Variants in PTPRM observed in about 807,000 individuals in gnomAD.
PTPRM encodes the protein protein tyrosine phosphatase receptor type M.
In PTPRM, 47 loss-of-function variants were observed where a neutral mutation model predicts 186.7. The observed-to-expected ratio is 0.25, with a 90% CI of 0.20 to 0.32. PTPRM has a LOEUF of 0.32. Ranked by LOEUF, PTPRM falls within the 10% of genes least tolerant of loss-of-function variation. The pLI is 1.00. For missense variants in PTPRM, 1,494 were observed against 1,865.0 expected (o/e 0.80, Z 3.66); for synonymous variants, 668 against 674.9 (o/e 0.99, Z 0.16).
At chr18:7,974,432 A>T (rs536232690) in intron 7 of PTPRM, among the ~76,000 whole-genome samples, 1 of 152,344 alleles carries the variant, frequency 6.6e-6, no homozygotes, top group South Asian at 2.1e-4. Flanking sequence ...AGAGGTTCTG[A>T]AAGTCAACAT....
At chr18:8,076,073 A>G (rs1287159592) in intron 8 of PTPRM, among the ~76,000 whole-genome samples, 2 of 152,138 alleles carry the variant, frequency 1.3e-5, no homozygotes, top group Non-Finnish European at 2.9e-5. Flanking sequence ...TGTTCTGTGC[A>G]TCTTCAGCTT....
chr18:8,398,038 T>C (rs1183072608), intron 32 of PTPRM, among the ~76,000 whole-genome samples: 1 of 152,184 alleles, frequency 6.6e-6, no homozygotes, highest in African/African-American at 2.4e-5. Context: ...AGTGGCGTGA[T>C]CATAGCTCAC....
chr18:8,304,118 C>T (rs2095192773), intron 20 of PTPRM, among the ~76,000 whole-genome samples: 1 of 152,182 alleles, frequency 6.6e-6, no homozygotes, highest in Non-Finnish European at 1.5e-5. Context: ...GAAAGATTAT[C>T]AGTGATACAC....
chr18:8,310,997 T>C (rs1216353678), intron 20 of PTPRM, among the ~76,000 whole-genome samples: 1 of 152,164 alleles, frequency 6.6e-6, no homozygotes, highest in African/African-American at 2.4e-5. Context: ...CTGACAATAT[T>C]AGACAAGCCT....
chr18:7,729,671 A>T (rs535847721), intron 1 of PTPRM, among the ~76,000 whole-genome samples: 1 of 152,298 alleles, frequency 6.6e-6, no homozygotes, highest in South Asian at 2.1e-4. Flanking sequence ...TCAGTTCTGG[A>T]GCCACTGGTA....
At chr18:8,361,906 G>A (rs946330398) in intron 23 of PTPRM, among the ~76,000 whole-genome samples, 1 of 152,204 alleles carries the variant, frequency 6.6e-6, no homozygotes, top group Non-Finnish European at 1.5e-5. Flanking sequence ...AAAATAAAAT[G>A]TTATCCTTCT....
In PTPRM at chr18:8,161,186, A is replaced by G. The variant is rs533680895; in HGVS notation, c.2300+17407A>G. 4.6e-5 allele frequency among the ~76,000 whole-genome samples: 7 copies of G among 152,360 alleles called. No individual in the cohort carries two copies. In the South Asian group the frequency reaches 1.4e-3, roughly 32 times the overall value. On this transcript the variant is annotated intron_variant, in intron 14 of 32. Coordinates refer to ENST00000580170, the MANE Select transcript of PTPRM (RefSeq NM_001105244.2). ...AATATTAACTTGGAAGCTGTCATGC[A>G]GGAGTGGTGTTGGCTCCTTGGGGGA...
chr18:7,633,744 C>G (rs1240446868), intron 1 of PTPRM, among the ~76,000 whole-genome samples: 2 of 152,142 alleles, frequency 1.3e-5, no homozygotes, highest in Non-Finnish European at 2.9e-5. Flanking sequence ...CATCTTTTGT[C>G]TGGTTCTCAA....
At chr18:7,721,001 A>T (rs146935054) in intron 1 of PTPRM, among the ~76,000 whole-genome samples, 4 of 152,164 alleles carry the variant, frequency 2.6e-5, no homozygotes, top group East Asian at 3.9e-4. Context: ...AATGGAATGC[A>T]GGATCATAGG....
At chr18:8,405,207 C>T (rs2095898105) in intron 32 of PTPRM, 1 of 151,990 alleles carries the variant, frequency 6.6e-6, no homozygotes, top group Admixed American at 6.6e-5. Context: ...AATTAATTCC[C>T]TGTCTGATGA....
intron 14 of PTPRM, among the ~76,000 whole-genome samples, chr18:8,188,601 T>C (rs2093671856): frequency 6.6e-6 from 1 of 152,190 alleles, no homozygotes; most frequent in South Asian, 2.1e-4. Context: ...AATGCCCTGG[T>C]CATTTAAATT....
chr18:7,618,426 CACAG>C (rs1217387499), intron 1 of PTPRM, among the ~76,000 whole-genome samples: 1 of 152,068 alleles, frequency 6.6e-6, no homozygotes, highest in African/African-American at 2.4e-5. Flanking sequence ...TCAGATTTAT[CACAG>C]TTTGAAACTT....
chr18:8,342,561 A>G (rs1479396424), intron 22 of PTPRM, among the ~76,000 whole-genome samples: 1 of 152,228 alleles, frequency 6.6e-6, no homozygotes, highest in African/African-American at 2.4e-5. Context: ...TTTCACATAT[A>G]TCATGTGACT....
chr18:7,601,041 G>C (rs911895959), intron 1 of PTPRM, among the ~76,000 whole-genome samples: 4 of 152,210 alleles, frequency 2.6e-5, no homozygotes, highest in Admixed American at 2.6e-4. Flanking sequence ...CCCCTCTGTT[G>C]GTTCAAGATC....
chr18:8,104,226 A>T (rs2091418134), intron 11 of PTPRM, among the ~76,000 whole-genome samples: 1 of 152,216 alleles, frequency 6.6e-6, no homozygotes, highest in South Asian at 2.1e-4. Flanking sequence ...GTAAAACTTT[A>T]GTTCAGTATC....
intron 1 of PTPRM, among the ~76,000 whole-genome samples, chr18:7,605,690 C>T (rs1406080067): frequency 6.6e-6 from 1 of 152,164 alleles, no homozygotes; most frequent in East Asian, 1.9e-4. Context: ...TGCAATGTTA[C>T]CTGTTGTGGA....
intron 2 of PTPRM, among the ~76,000 whole-genome samples, chr18:7,798,689 G>C (rs1422256391): frequency 6.6e-6 from 1 of 151,948 alleles, no homozygotes; most frequent in African/African-American, 2.4e-5. Context: ...TGTGAAATAA[G>C]GGCCAAATTC....
chr18:7,652,100 A>G (rs12809907), intron 1 of PTPRM, among the ~76,000 whole-genome samples: 6 of 152,236 alleles, frequency 3.9e-5, no homozygotes, highest in African/African-American at 1.4e-4. Context: ...AAGGACATGG[A>G]CACACTCTTC....
intron 14 of PTPRM, among the ~76,000 whole-genome samples, chr18:8,193,558 T>G (rs2093736017): frequency 6.6e-6 from 1 of 152,260 alleles, no homozygotes; most frequent in South Asian, 2.1e-4. Flanking sequence ...CTGTAGCCTG[T>G]GGCCAGATGC....
Sources: allele counts gnomAD v4.1 joint callset (sites outside exome capture counted in the v4.1 genomes callset), GRCh38; gene constraint gnomAD v4.1.1; transcripts MANE v1.5; gene names NCBI Gene and HGNC (gene_info 2026-07-23, HGNC 2026-07-21).